Variants in ERCC2 observed in about 807,000 individuals in gnomAD.
ERCC2 encodes general transcription and DNA repair factor IIH helicase subunit XPD.
In ERCC2, 90 loss-of-function variants were observed where a neutral mutation model predicts 99.4. The observed-to-expected ratio is 0.91, with a 90% confidence interval of 0.76 to 1.08. The LOEUF (loss-of-function observed/expected upper bound fraction) is 1.08, where lower values mean the gene tolerates loss of function less well. ERCC2 is among the 50% of genes least tolerant of loss of function. The pLI is 0.00. For synonymous variants in ERCC2, 497 were observed against 432.4 expected (o/e 1.15, Z -1.85); for missense variants, 993 against 1,038.1 (o/e 0.96, Z 0.60).
In ERCC2 at chr19:45,351,058, G is replaced by A; in HGVS notation, c.*571C>T. ...GGGTCAAAAATAGAGGAGGCCATGTGGGTAGGTGCAGAGATGAGGCAAAGG... is the reference window on the plus strand; with the variant it reads ...GGGTCAAAAATAGAGGAGGCCATGTAGGTAGGTGCAGAGATGAGGCAAAGG... On this transcript the variant is annotated 3_prime_UTR_variant, in exon 23 of 23. Coordinates refer to ENST00000391945, the MANE Select transcript of ERCC2 (RefSeq NM_000400.4). The A allele has an allele frequency of 6.2e-7, 1 of 1,613,984 alleles. No individual in the cohort carries two copies. Among genetic ancestry groups the A allele is most frequent in the Non-Finnish European group, 8.5e-7 (1 of 1,179,974 alleles).
rs745588139 is a variant in ERCC2, at chr19:45,357,254, A to G, written c.1479+16T>C. The G allele has an allele frequency of 1.3e-6, 2 of 1,597,834 alleles. No homozygotes were observed. The highest frequency in any genetic ancestry group is 2.7e-5 in the African/African-American group (2 of 74,572). On this transcript the variant is annotated intron_variant, in intron 15 of 22. Transcript: ENST00000391945. ...CATCTCCCCTCCCGGCCCCAGCCCT[A>G]GCCTCTCCCACTCACCATAGGGCAG...
In ERCC2 at chr19:45,350,421, CGCCCCTCTCGGTGA is replaced by C; in HGVS notation, c.*1194_*1207del. The C allele has an allele frequency of 1.9e-6, 3 of 1,613,874 alleles. No individual in the cohort carries two copies. Among genetic ancestry groups the C allele is most frequent in the Non-Finnish European group, 2.5e-6 (3 of 1,179,898 alleles). ...AAATCCTCCACAAGGAGGACCTACC[CGCCCCTCTCGGTGA>C]GCCCCTAGCCCCTGTCTGTCTTCCC... On this transcript the variant is annotated 3_prime_UTR_variant, in exon 23 of 23. Transcript: ENST00000391945.
chr19:45,368,937 A>G lies in ERCC2; in HGVS notation c.239T>C (p.Ile80Thr). The change falls in exon 4 of 23, where the codon ATT becomes ACT. Residue 80 changes from isoleucine (I) to threonine (T), a missense_variant. By Grantham distance (89) the Ile-to-Thr change is moderately conservative. This residue lies in a region of ERCC2 where 29 missense variants were observed against 62.1 expected (regional missense o/e 0.47). Transcript: ENST00000391945. ...GGATGAGTCCCAGCTTACCTTCTCA[A>G]TCTCTGGCACAGTTCTTGAGCAGTA... is the stretch of plus-strand genomic sequence containing the variant. ...LIYCSRTVPE[I>T]EKVIEELRKL... The G allele has an allele frequency of 6.2e-7, 1 of 1,614,128 alleles. No individual in the cohort carries two copies.
chr19:45,363,716 C>A, intron 11 of ERCC2, 27 bp downstream of exon 11: 1 of 1,523,224 alleles, frequency 6.6e-7, no homozygotes. Flanking sequence ...GCCGGGCCCC[C>A]ACCCCGCGCG....
rs776883648 is a variant in ERCC2, at chr19:45,364,440, G to A, written c.702C>T (p.Asp234=). Residue 234 remains aspartate, a synonymous_variant, in exon 8 of 23, where the codon GAC becomes GAT. Coordinates refer to ENST00000391945, the MANE Select transcript of ERCC2 (RefSeq NM_000400.4). ...CCCCCTCACCAATGTTGTGGGCCTC[G>A]TCGAAGACCACGACGGCCTTGCGGG... ...ELARKAVVVF[D]EAHNIDNVCI... 1.2e-5 allele frequency: 20 copies of A among 1,613,894 alleles called. No individual in the cohort carries two copies. Among genetic ancestry groups the A allele is most frequent in the Admixed American group, 6.7e-5 (4 of 59,998 alleles).
chr19:45,359,093 G>T (rs1013745225), intron 12 of ERCC2, among the ~76,000 whole-genome samples: 1 of 152,144 alleles, frequency 6.6e-6, no homozygotes, highest in Non-Finnish European at 1.5e-5. Context: ...ACTGAGAGTG[G>T]GCAGTGCTGG....
At position 45,370,156 on chromosome 19, in the gene ERCC2, G is replaced by A; in HGVS notation, c.82C>T (p.Leu28Phe). The A allele has an allele frequency of 6.2e-7, 1 of 1,613,292 alleles. No individual in the cohort carries two copies. The highest frequency in any genetic ancestry group is 2.2e-5 in the East Asian group (1 of 44,834). Residue 28 changes from leucine to phenylalanine, a missense_variant, in exon 2 of 23, where the codon CTC becomes TTC. By Grantham distance (22) the Leu-to-Phe change is conservative (BLOSUM62 0). Transcript: ENST00000391945. ...YPEQFSYMRE[L>F]KRTLDAKGHG... ...ACCTTGGCGTCCAGCGTGCGTTTGA[G>A]CTCCCGCATGTAGGAGAACTGCTCG...
chr19:45,361,496 C>G, intron 12 of ERCC2, 28 bp downstream of exon 12: 1 of 1,501,548 alleles, frequency 6.7e-7, no homozygotes, highest in Non-Finnish European at 9.3e-7. Flanking sequence ...CTAGGAGGCC[C>G]AGCAGGGACA....
At chr19:45,358,918 T>C (rs773003021) in intron 12 of ERCC2, 1 of 771,220 alleles carries the variant, frequency 1.3e-6, no homozygotes, top group African/African-American at 1.7e-5. Flanking sequence ...CTGGCCTGTT[T>C]GTTGAAGAAA....
Position 45,351,020 on chromosome 19 carries a change from G to C in ERCC2, c.*609C>G. On this transcript the variant is annotated 3_prime_UTR_variant, in exon 23 of 23. Transcript: ENST00000391945. ...CTCCAAGGGCTCCTGGGACTCAGGT[G>C]AGGGGGACATCTGGGTCAAAAATAG... The C allele has an allele frequency of 6.2e-7, 1 of 1,614,170 alleles. No individual in the cohort carries two copies. Among genetic ancestry groups the C allele is most frequent in the Non-Finnish European group, 8.5e-7 (1 of 1,180,034 alleles).
chr19:45,351,758 T>C (rs762795883), intron 22 of ERCC2, 37 bp from the exon 23 acceptor site: 6 of 1,588,846 alleles, frequency 3.8e-6, no homozygotes, highest in Non-Finnish European at 5.2e-6. Flanking sequence ...GGGGGCACTG[T>C]TGGGCAGGGG....
Position 45,350,565 on chromosome 19 carries a change from G to A in ERCC2, c.*1064C>T, listed in dbSNP as rs368464700. Reference sequence around the variant, plus strand: ...GACGCAGAACAGGTGAGGATGGGCTGTGCTTCGGCTCCTGGGGTGGGCGTG... The same window carrying A: ...GACGCAGAACAGGTGAGGATGGGCTATGCTTCGGCTCCTGGGGTGGGCGTG... On this transcript the variant is annotated 3_prime_UTR_variant, in exon 23 of 23. Coordinates refer to ENST00000391945, the MANE Select transcript of ERCC2 (RefSeq NM_000400.4). The A allele has an allele frequency of 4.3e-6, 7 of 1,613,914 alleles. No individual in the cohort carries two copies. Among genetic ancestry groups the A allele is most frequent in the Non-Finnish European group, 4.2e-6 (5 of 1,180,012 alleles).
chr19:45,357,717 G>A lies in ERCC2; in HGVS notation c.1238-18C>T, dbSNP rs1380878595. Reference sequence around the variant, plus strand: ...GGTGAAGCCTGCAGAGGGCAGGCAAGGAGGGGTGAGATTACCCCACTACAG... The same window carrying A: ...GGTGAAGCCTGCAGAGGGCAGGCAAAGAGGGGTGAGATTACCCCACTACAG... On this transcript the variant is annotated intron_variant, in intron 12 of 22. Transcript: ENST00000391945. 2 of 1,611,436 alleles carry A rather than the reference G, an allele frequency of 1.2e-6. No homozygotes were observed. Among genetic ancestry groups the A allele is most frequent in the Middle Eastern group, 1.7e-4 (1 of 6,058 alleles).
intron 9 of ERCC2, 34 bp downstream of exon 9, chr19:45,364,201 G>C: frequency 1.2e-6 from 2 of 1,612,180 alleles, no homozygotes; most frequent in Non-Finnish European, 1.7e-6. Context: ...CCAGGGGCAG[G>C]GCGGGCACCA....
At position 45,352,790 on chromosome 19, in the gene ERCC2, T is replaced by C. The variant is rs1173754189; in HGVS notation, c.1858A>G (p.Met620Val). 2.5e-6 allele frequency: 4 copies of C among 1,606,962 alleles called. No individual in the cohort carries two copies. Among genetic ancestry groups the C allele is most frequent in the Admixed American group, 3.4e-5 (2 of 59,442 alleles). ...GTGTAGACGTAGGGGACGCCAAACA[T>C]GATGACGGCCCGCCCGTAGTGGTGC... Reference protein sequence around the residue: ...FVHHYGRAVIMFGVPYVYTQS... With the variant: ...FVHHYGRAVIVFGVPYVYTQS... The change falls in exon 20 of 23, where the codon ATG becomes GTG. Residue 620 changes from methionine (M) to valine (V), a missense_variant. Met to Val is a conservative substitution (Grantham distance 21). Around this residue, in one of 3 missense-constraint regions of ERCC2, gnomAD observed 909 missense variants for 930.8 expected, o/e 0.98. Transcript: ENST00000391945.
rs1463130942 is a variant in ERCC2, at chr19:45,350,254, C to A, written c.*1375G>T. ...CTGGGCAACATACCAAGACCCCTGTCTCTACAAAAAAAAAAAAAAAGGCGG... is the reference window on the plus strand; with the variant it reads ...CTGGGCAACATACCAAGACCCCTGTATCTACAAAAAAAAAAAAAAAGGCGG... On this transcript the variant is annotated 3_prime_UTR_variant, in exon 23 of 23. Coordinates refer to ENST00000391945, the MANE Select transcript of ERCC2 (RefSeq NM_000400.4). The A allele has an allele frequency of 2.1e-6, 2 of 949,636 alleles. No homozygotes were observed. Among genetic ancestry groups the A allele is most frequent in the Non-Finnish European group, 1.5e-6 (1 of 646,250 alleles). The allele number at this position is 949,636 out of a possible 1,614,324, so 58.8% of individuals were successfully genotyped here.
Position 45,357,803 on chromosome 19 carries a change from C to G in ERCC2, c.1238-104G>C. Reference sequence around the variant, plus strand: ...CTCCCTCGCTTCACCCCAATCTCCACCCCGTACTGCCTGGGAGTAAATGCG... The same window carrying G: ...CTCCCTCGCTTCACCCCAATCTCCAGCCCGTACTGCCTGGGAGTAAATGCG... On this transcript the variant is annotated intron_variant, in intron 12 of 22. Transcript: ENST00000391945. The G allele has an allele frequency of 2.9e-6, 3 of 1,027,822 alleles. No individual in the cohort carries two copies. The Middle Eastern group carries it at 6.0e-4, about 206-fold the overall frequency. The allele number at this position is 1,027,822 out of a possible 1,614,324, so 63.7% of individuals were successfully genotyped here. A position where few individuals can be genotyped will look rare whatever the true frequency, so the allele number is the denominator to read the frequency against.
Position 45,364,943 on chromosome 19 carries a change from G to C in ERCC2, c.489C>G (p.Ala163=). 6.2e-7 allele frequency: 1 copy of C among 1,614,016 alleles called. No homozygotes were observed. The highest frequency in any genetic ancestry group is 1.1e-5 in the South Asian group (1 of 91,080). The change falls in exon 7 of 23, where the codon GCC becomes GCG. Residue 163 remains alanine (A), a synonymous_variant. Transcript: ENST00000391945. ...PHCRFYEEFD[A]HGREVPLPAG... ...CGGGGAGGGGCACCTCACGCCCATG[G>C]GCATCAAATTCCTGGGACAAGAGTG... is the stretch of plus-strand genomic sequence containing the variant.
rs1355932269 is a variant in ERCC2 at position 45,351,496 on chromosome 19, T to G, written c.*133A>C. ...GTGGATAGCTGCCTTCTCCTGCGATTAAAGGCTGTGGACGTGACAGTGAGA... is the reference window on the plus strand; with the variant it reads ...GTGGATAGCTGCCTTCTCCTGCGATGAAAGGCTGTGGACGTGACAGTGAGA... On this transcript the variant is annotated 3_prime_UTR_variant, in exon 23 of 23. Coordinates refer to ENST00000391945, the MANE Select transcript of ERCC2 (RefSeq NM_000400.4). The G allele has an allele frequency of 6.3e-7, 1 of 1,593,918 alleles. No homozygotes were observed. Among genetic ancestry groups the G allele is most frequent in the East Asian group, 2.2e-5 (1 of 44,756 alleles).
Sources: gnomAD v4.1 joint callset for allele counts (sites outside exome capture counted in the v4.1 genomes callset) on GRCh38, gnomAD v4.1.1 for gene constraint, gnomAD v4.1.1 regional missense constraint, MANE v1.5 for transcripts, NCBI Gene and HGNC (gene_info 2026-07-23, HGNC 2026-07-21) for gene names.